ITFG1: variants seen among roughly 807,000 people sequenced by gnomAD.
ITFG1 encodes the protein T-cell immunomodulatory protein.
ITFG1 carries 34 observed loss-of-function variants against 81.8 expected under a neutral mutation model. That is an observed-to-expected ratio of 0.42 (90% CI 0.32 to 0.55). The LOEUF is 0.55. Ranked by LOEUF, ITFG1 falls within the 20% of genes least tolerant of loss-of-function variation. ITFG1 has a pLI of 0.17. For missense variants in ITFG1, 672 were observed against 755.4 expected, an observed-to-expected ratio of 0.89 and a Z score of 1.29; for synonymous variants, 285 against 270.6, an observed-to-expected ratio of 1.05 and a Z score of -0.52.
intron 5 of ITFG1, among the ~76,000 whole-genome samples, chr16:47,431,314 G>A (rs911067797): frequency 5.3e-5 from 8 of 152,212 alleles, no homozygotes; most frequent in African/African-American, 1.2e-4. Context: ...CATGAGCTCC[G>A]TCGCCTGTCA....
At chr16:47,433,598 A>G (rs1318526822) in intron 5 of ITFG1, among the ~76,000 whole-genome samples, 2 of 151,022 alleles carry the variant, frequency 1.3e-5, no homozygotes, top group South Asian at 2.1e-4. Flanking sequence ...TTTTATACTT[A>G]TTGCCTATGT....
chr16:47,157,725 T>G (rs1420237520), intron 17 of ITFG1: 2 of 152,208 alleles, frequency 1.3e-5, no homozygotes, highest in Non-Finnish European at 2.9e-5. Context: ...GACAAGCCTA[T>G]GAGCATTTAT....
intron 14 of ITFG1, among the ~76,000 whole-genome samples, chr16:47,216,798 A>G (rs1052070944): frequency 6.6e-6 from 1 of 151,886 alleles, no homozygotes; most frequent in Non-Finnish European, 1.5e-5. Flanking sequence ...AGTAGCTGGA[A>G]TTACAGGCGA....
intron 12 of ITFG1, among the ~76,000 whole-genome samples, chr16:47,241,443 T>C (rs541852647): frequency 1.6e-4 from 24 of 152,304 alleles, no homozygotes; most frequent in African/African-American, 5.5e-4. Context: ...GGAATATACA[T>C]GCAACAGAAT....
intron 5 of ITFG1, among the ~76,000 whole-genome samples, chr16:47,442,090 A>G (rs1310948824): frequency 6.6e-6 from 1 of 152,220 alleles, no homozygotes; most frequent in East Asian, 1.9e-4. Flanking sequence ...ATGGTTTCAA[A>G]GAGAATCAAA....
chr16:47,303,127 C>T (rs1021823701), intron 10 of ITFG1, among the ~76,000 whole-genome samples: 1 of 151,896 alleles, frequency 6.6e-6, no homozygotes, highest in South Asian at 2.1e-4. Flanking sequence ...AAAAATTAGC[C>T]AGGAATGGTG....
At chr16:47,186,342 A>G (rs1289593177) in intron 14 of ITFG1, among the ~76,000 whole-genome samples, 1 of 152,224 alleles carries the variant, frequency 6.6e-6, no homozygotes, top group Non-Finnish European at 1.5e-5. Context: ...CTTGATGAAC[A>G]TTGATGCAAA....
intron 6 of ITFG1, among the ~76,000 whole-genome samples, chr16:47,392,205 G>A (rs1050412097): frequency 6.6e-6 from 1 of 152,150 alleles, no homozygotes; most frequent in African/African-American, 2.4e-5. Flanking sequence ...TTTGAGCCCA[G>A]GAGTTTGAGA....
intron 10 of ITFG1, among the ~76,000 whole-genome samples, chr16:47,270,307 T>A: frequency 6.6e-6 from 1 of 152,110 alleles, no homozygotes; most frequent in East Asian, 1.9e-4. Context: ...AAATGACATA[T>A]CCAATAACAA....
intron 8 of ITFG1, among the ~76,000 whole-genome samples, chr16:47,341,711 T>C (rs1276510331): frequency 6.6e-6 from 1 of 152,138 alleles, no homozygotes; most frequent in Non-Finnish European, 1.5e-5. Flanking sequence ...AAGAGAGATG[T>C]ACATAACTAA....
At chr16:47,338,498 A>T (rs1567465829) in intron 8 of ITFG1, among the ~76,000 whole-genome samples, 2 of 152,198 alleles carry the variant, frequency 1.3e-5, no homozygotes, top group South Asian at 4.1e-4. Context: ...TGATTTCCAG[A>T]GTTACATTAT....
chr16:47,268,790 A>C (rs1019722318), intron 10 of ITFG1, among the ~76,000 whole-genome samples: 1 of 152,268 alleles, frequency 6.6e-6, no homozygotes, highest in Admixed American at 6.5e-5. Flanking sequence ...CACTGTAGGA[A>C]TATTATAATT....
At chr16:47,396,467 C>T (rs1278872206) in intron 6 of ITFG1, among the ~76,000 whole-genome samples, 4 of 150,712 alleles carry the variant, frequency 2.7e-5, no homozygotes, top group Non-Finnish European at 4.4e-5. Context: ...ACAATGAGGA[C>T]TTGAATTTAG....
intron 8 of ITFG1, among the ~76,000 whole-genome samples, chr16:47,337,310 G>A (rs1967719427): frequency 6.6e-6 from 1 of 152,080 alleles, no homozygotes; most frequent in Non-Finnish European, 1.5e-5. Flanking sequence ...GGTGGCTCAT[G>A]CCTGTAATCC....
chr16:47,442,135 A>T (rs1969260329), intron 5 of ITFG1, among the ~76,000 whole-genome samples: 1 of 152,194 alleles, frequency 6.6e-6, no homozygotes, highest in Admixed American at 6.5e-5. Flanking sequence ...GATGTGAAGG[A>T]CCTCTTCAAG....
chr16:47,269,762 T>A (rs969751059), intron 10 of ITFG1, among the ~76,000 whole-genome samples: 1 of 152,182 alleles, frequency 6.6e-6, no homozygotes, highest in Non-Finnish European at 1.5e-5. Context: ...TTTTTATTTG[T>A]ATTTCTTTTG....
intron 6 of ITFG1, among the ~76,000 whole-genome samples, chr16:47,408,348 C>T (rs780428241): frequency 1.3e-5 from 2 of 152,168 alleles, no homozygotes; most frequent in Non-Finnish European, 2.9e-5. Flanking sequence ...CAGGTCCCAT[C>T]CACTCTGCAC....
chr16:47,206,231 C>T (rs918473566), intron 14 of ITFG1, among the ~76,000 whole-genome samples: 4 of 152,126 alleles, frequency 2.6e-5, no homozygotes, highest in African/African-American at 7.2e-5. Context: ...AACTTGATCT[C>T]TCCAGTTGGA....
chr16:47,451,337 T>A, intron 5 of ITFG1, 59 bp downstream of exon 5: 1 of 913,880 alleles, frequency 1.1e-6, no homozygotes, highest in Non-Finnish European at 1.7e-6. Flanking sequence ...TTTTCTCCAA[T>A]GGTTAAAGTA....
Sources: allele counts gnomAD v4.1 joint callset (sites outside exome capture counted in the v4.1 genomes callset), GRCh38; gene constraint gnomAD v4.1.1; transcripts MANE v1.5; gene names NCBI Gene and HGNC (gene_info 2026-07-23, HGNC 2026-07-21).